The following CDH12 variants were observed in gnomAD, a reference collection of about 807,000 sequenced individuals.
CDH12 encodes the protein cadherin-12.
Under a neutral mutation model 74.1 loss-of-function variants are expected in CDH12, and 41 were observed. The ratio of observed to expected loss-of-function variants is 0.55; its 90% CI spans 0.43 to 0.72. The LOEUF (loss-of-function observed/expected upper bound fraction) is 0.72, where lower values mean the gene tolerates loss of function less well. Among genes scored for constraint, CDH12 ranks in the 30% least tolerant of loss-of-function variants. CDH12 has a pLI of 0.00. For missense variants in CDH12, 945 were observed against 977.2 expected, an observed-to-expected ratio of 0.97 and a Z score of 0.44; for synonymous variants, 399 against 355.0, an observed-to-expected ratio of 1.12 and a Z score of -1.39.
At chr5:22,486,476 A>G in intron 2 of CDH12, among the ~76,000 whole-genome samples, 1 of 136,710 alleles carries the variant, frequency 7.3e-6, no homozygotes, top group African/African-American at 2.7e-5. Context: ...TTTGAGACAG[A>G]GTTTCCCTCT....
intron 1 of CDH12, among the ~76,000 whole-genome samples, chr5:22,716,055 T>G (rs937357506): frequency 1.3e-5 from 2 of 152,028 alleles, no homozygotes; most frequent in African/African-American, 2.4e-5. Flanking sequence ...GAGAATTGCT[T>G]GAACCTGGGA....
At chr5:22,450,666 C>A (rs767907577) in intron 2 of CDH12, among the ~76,000 whole-genome samples, 3 of 151,800 alleles carry the variant, frequency 2.0e-5, no homozygotes, top group Non-Finnish European at 4.4e-5. Flanking sequence ...ACAAATAATT[C>A]TTTAGTATTT....
At chr5:21,891,196 T>C (rs1264459652) in intron 6 of CDH12, among the ~76,000 whole-genome samples, 2 of 152,068 alleles carry the variant, frequency 1.3e-5, no homozygotes, top group East Asian at 1.9e-4. Flanking sequence ...AGCCTAACAA[T>C]TGAGATAAAG....
chr5:22,134,817 T>C (rs1746363325), intron 4 of CDH12, among the ~76,000 whole-genome samples: 1 of 148,848 alleles, frequency 6.7e-6, no homozygotes, highest in South Asian at 2.2e-4. Flanking sequence ...TGTCTCCACA[T>C]AAAAAGCAAG....
At chr5:21,791,025 C>T (rs1038979559) in intron 10 of CDH12, among the ~76,000 whole-genome samples, 1 of 152,012 alleles carries the variant, frequency 6.6e-6, no homozygotes, top group Non-Finnish European at 1.5e-5. Context: ...CCTTTCTCTG[C>T]ATGATACCCT....
chr5:21,872,352 T>C (rs1249366550), intron 6 of CDH12, among the ~76,000 whole-genome samples: 1 of 152,238 alleles, frequency 6.6e-6, no homozygotes, highest in Non-Finnish European at 1.5e-5. Flanking sequence ...AGTGAATCCA[T>C]TTTTATGAGC....
At chr5:22,164,102 G>A (rs561334991) in intron 4 of CDH12, among the ~76,000 whole-genome samples, 109 of 152,292 alleles carry the variant, frequency 7.2e-4, no homozygotes, top group African/African-American at 2.6e-3. Flanking sequence ...TCTCATCCTA[G>A]TGTTACCAGG....
chr5:22,762,454 T>C (rs1239681060), intron 1 of CDH12, among the ~76,000 whole-genome samples: 1 of 152,130 alleles, frequency 6.6e-6, no homozygotes. Flanking sequence ...TAGAATAGCA[T>C]TATTTATTAA....
At chr5:22,444,408 T>A (rs1253560532) in intron 2 of CDH12, among the ~76,000 whole-genome samples, 1 of 152,122 alleles carries the variant, frequency 6.6e-6, no homozygotes, top group Non-Finnish European at 1.5e-5. Context: ...CAGGTAAATA[T>A]TTATTACCTT....
At chr5:22,848,691 CAAA>C in intron 1 of CDH12, among the ~76,000 whole-genome samples, 1 of 152,138 alleles carries the variant, frequency 6.6e-6, no homozygotes, top group East Asian at 1.9e-4. Flanking sequence ...CTCTACTTTT[CAAA>C]GAGAATTTCT....
chr5:21,798,715 TCTG>T (rs1463888723), intron 10 of CDH12, among the ~76,000 whole-genome samples: 215 of 152,256 alleles, frequency 1.4e-3, no homozygotes, highest in African/African-American at 5.1e-3. Context: ...GACATGACTT[TCTG>T]CTGAATAGAA....
intron 1 of CDH12, among the ~76,000 whole-genome samples, chr5:22,705,702 A>C (rs967286374): frequency 2.0e-5 from 3 of 152,098 alleles, no homozygotes; most frequent in Non-Finnish European, 2.9e-5. Context: ...ACCAAGGGAG[A>C]AGATAATTAC....
intron 1 of CDH12, among the ~76,000 whole-genome samples, chr5:22,738,726 A>T (rs933498778): frequency 9.2e-5 from 14 of 152,038 alleles, no homozygotes; most frequent in Non-Finnish European, 1.9e-4. Flanking sequence ...TAAATATTTC[A>T]ATAAAACCAT....
At chr5:22,448,648 G>T (rs961463578) in intron 2 of CDH12, among the ~76,000 whole-genome samples, 2 of 151,902 alleles carry the variant, frequency 1.3e-5, no homozygotes, top group Admixed American at 6.6e-5. Flanking sequence ...AGAATGAGGT[G>T]GCACTGATAA....
At chr5:21,988,799 C>A (rs1348155487) in intron 5 of CDH12, among the ~76,000 whole-genome samples, 1 of 152,044 alleles carries the variant, frequency 6.6e-6, no homozygotes, top group Admixed American at 6.6e-5. Context: ...TAATACTTTC[C>A]ACGTTCTAGG....
chr5:22,014,339 A>G (rs1396904218), intron 5 of CDH12, among the ~76,000 whole-genome samples: 1 of 152,202 alleles, frequency 6.6e-6, no homozygotes, highest in African/African-American at 2.4e-5. Context: ...TGTTTGCACA[A>G]TAATGAAAGT....
At chr5:21,836,342 T>A (rs1232011211) in intron 8 of CDH12, among the ~76,000 whole-genome samples, 1 of 151,708 alleles carries the variant, frequency 6.6e-6, no homozygotes, top group Non-Finnish European at 1.5e-5. Flanking sequence ...TGCTTTAAAA[T>A]GTTGTTGTAT....
chr5:21,884,238 C>G, intron 6 of CDH12: 1 of 1,522,518 alleles, frequency 6.6e-7, no homozygotes. Flanking sequence ...CACAGAAATT[C>G]CTAAAGAAGA....
At chr5:22,055,800 A>G (rs1386176764) in intron 5 of CDH12, among the ~76,000 whole-genome samples, 1 of 152,094 alleles carries the variant, frequency 6.6e-6, no homozygotes, top group African/African-American at 2.4e-5. Context: ...ATAAAAATTA[A>G]GTAACAATAT....
Sources: gnomAD v4.1 joint callset for allele counts (sites outside exome capture counted in the v4.1 genomes callset) on GRCh38, gnomAD v4.1.1 for gene constraint, MANE v1.5 for transcripts, NCBI Gene and HGNC (gene_info 2026-07-23, HGNC 2026-07-21) for gene names.